TSHZ3: variants seen among roughly 807,000 people sequenced by gnomAD.
TSHZ3 encodes teashirt homolog 3.
In TSHZ3, 10 loss-of-function variants were observed where a neutral mutation model predicts 64.5. The ratio of observed to expected loss-of-function variants is 0.16; its 90% CI spans 0.10 to 0.26. TSHZ3 has a LOEUF of 0.26. Among genes scored for constraint, TSHZ3 ranks in the 10% least tolerant of loss-of-function variants. The pLI, the probability that TSHZ3 is intolerant of heterozygous loss-of-function variation, is 1.00. For missense variants in TSHZ3, 1,242 were observed against 1,421.7 expected (o/e 0.87, Z 2.03); for synonymous variants, 608 against 593.1 (o/e 1.03, Z -0.36).
At position 31,340,386 on chromosome 19, in the gene TSHZ3, T is replaced by G. The variant is rs1004868731; in HGVS notation, c.40+8794A>C. 2.3e-4 allele frequency among the ~76,000 whole-genome samples: 29 copies of G among 123,882 alleles called. 5 individuals are homozygous for G. Among genetic ancestry groups the G allele is most frequent in the Admixed American group, 1.4e-3 (16 of 11,616 alleles). 81.3% of individuals were successfully genotyped at this position (123,882 alleles called of 152,430 possible). On this transcript the variant is annotated intron_variant, in intron 1 of 1. Coordinates refer to ENST00000240587, the MANE Select transcript of TSHZ3 (RefSeq NM_020856.4). ...AAAACCACAGACTTCCTCTCACACC[T>G]GCCCAACCCACAAACCTAAAGCAAC...
chr19:31,333,953 C>T (rs945571456), intron 1 of TSHZ3, among the ~76,000 whole-genome samples: 3 of 152,156 alleles, frequency 2.0e-5, no homozygotes, highest in African/African-American at 4.8e-5. Context: ...GGAGCGTGTA[C>T]GTGTGTTTCC....
At chr19:31,267,294 C>G (rs1158083133) in intron 1 of TSHZ3, among the ~76,000 whole-genome samples, 2 of 151,978 alleles carry the variant, frequency 1.3e-5, no homozygotes, top group Non-Finnish European at 2.9e-5. Flanking sequence ...TGTGCAGGGT[C>G]CAGGAGACTG....
chr19:31,340,925 G>A (rs552871098), intron 1 of TSHZ3, among the ~76,000 whole-genome samples: 9 of 152,346 alleles, frequency 5.9e-5, no homozygotes, highest in Non-Finnish European at 7.3e-5. Flanking sequence ...GAACCACTGC[G>A]TTCACCTTCC....
chr19:31,242,948 G>A (rs1975714407), intron 1 of TSHZ3, among the ~76,000 whole-genome samples: 2 of 152,142 alleles, frequency 1.3e-5, no homozygotes, highest in Non-Finnish European at 2.9e-5. Context: ...CAGATTGGAT[G>A]GTGCCTGCTT....
At chr19:31,187,249 T>C (rs937749822) in intron 5 of TSHZ3, among the ~76,000 whole-genome samples, 2 of 152,176 alleles carry the variant, frequency 1.3e-5, no homozygotes, top group African/African-American at 4.8e-5. Flanking sequence ...CAGAACACCA[T>C]ATAAATGGAA....
At chr19:31,319,886 C>G (rs550919027) in intron 1 of TSHZ3, among the ~76,000 whole-genome samples, 14 of 151,254 alleles carry the variant, frequency 9.3e-5, no homozygotes, top group Non-Finnish European at 1.5e-4. Context: ...TGCAGCCCCC[C>G]TGAGAAAGTA....
intron 1 of TSHZ3, among the ~76,000 whole-genome samples, chr19:31,312,623 G>A (rs997812761): frequency 2.6e-5 from 4 of 152,308 alleles, no homozygotes; most frequent in East Asian, 3.9e-4. Flanking sequence ...GTTAATCGAA[G>A]TCAGTGTTCG....
chr19:31,203,867 C>G (rs1327525189), intron 5 of TSHZ3, among the ~76,000 whole-genome samples: 3 of 151,800 alleles, frequency 2.0e-5, no homozygotes, highest in Non-Finnish European at 2.9e-5. Context: ...CCTGTATTAG[C>G]CTGTTTTCAC....
intron 5 of TSHZ3, among the ~76,000 whole-genome samples, chr19:31,181,460 A>G (rs531684776): frequency 6.6e-6 from 1 of 152,316 alleles, no homozygotes; most frequent in Non-Finnish European, 1.5e-5. Context: ...GGTTTCTTTT[A>G]GAATCCCTCT....
chr19:31,254,322 G>A (rs1252266393), intron 1 of TSHZ3, among the ~76,000 whole-genome samples: 3 of 152,160 alleles, frequency 2.0e-5, no homozygotes, highest in Non-Finnish European at 2.9e-5. Flanking sequence ...ACACGTTCTG[G>A]TCCCCAGCAC....
intron 1 of TSHZ3, among the ~76,000 whole-genome samples, chr19:31,331,708 T>A (rs927925375): frequency 6.6e-6 from 1 of 152,218 alleles, no homozygotes; most frequent in Non-Finnish European, 1.5e-5. Flanking sequence ...GGGTACCTTA[T>A]GTTCACCACC....
intron 1 of TSHZ3, among the ~76,000 whole-genome samples, chr19:31,249,885 A>G (rs938913216): frequency 2.0e-5 from 3 of 152,150 alleles, no homozygotes; most frequent in Admixed American, 6.5e-5. Flanking sequence ...CCTGGAAGAC[A>G]CTCCGTGGTC....
At chr19:31,250,182 C>T (rs1358519899) in intron 1 of TSHZ3, among the ~76,000 whole-genome samples, 2 of 152,230 alleles carry the variant, frequency 1.3e-5, no homozygotes, top group Non-Finnish European at 2.9e-5. Context: ...TCTTTAAGCA[C>T]ATCTATGAGC....
intron 3 of TSHZ3, among the ~76,000 whole-genome samples, chr19:31,231,609 T>C (rs781527323): frequency 1.2e-4 from 18 of 152,352 alleles, no homozygotes; most frequent in Admixed American, 9.8e-4. Context: ...ATCTGAGTTA[T>C]ATATCTTGCC....
At chr19:31,166,214 C>T (rs1974450087) in intron 5 of TSHZ3, among the ~76,000 whole-genome samples, 1 of 152,152 alleles carries the variant, frequency 6.6e-6, no homozygotes, top group Non-Finnish European at 1.5e-5. Context: ...GAGAGGGGAG[C>T]CTGACCCTCG....
chr19:31,236,891 G>A (rs560148100), intron 3 of TSHZ3, among the ~76,000 whole-genome samples: 3 of 152,226 alleles, frequency 2.0e-5, no homozygotes, highest in African/African-American at 4.8e-5. Flanking sequence ...GCTCAGGCCT[G>A]TAATCCCAGC....
chr19:31,252,525 G>T (rs1390684433), intron 1 of TSHZ3, among the ~76,000 whole-genome samples: 1 of 152,186 alleles, frequency 6.6e-6, no homozygotes, highest in Non-Finnish European at 1.5e-5. Flanking sequence ...GGGAGTAACT[G>T]GATCCTGAGG....
chr19:31,274,131 A>ATGTGT (rs1165929565), downstream of TSHZ3, among the ~76,000 whole-genome samples: 1 of 151,780 alleles, frequency 6.6e-6, no homozygotes, highest in African/African-American at 2.4e-5. Flanking sequence ...TTAATAAAAT[A>ATGTGT]TGTGTTTTTT....
chr19:31,349,707 G>C (rs1010451631), upstream of TSHZ3, among the ~76,000 whole-genome samples: 1 of 147,588 alleles, frequency 6.8e-6, no homozygotes, highest in Non-Finnish European at 1.5e-5. Context: ...GGAGCGGCCC[G>C]GACCGGTACT....
Sources: allele counts gnomAD v4.1 joint callset (sites outside exome capture counted in the v4.1 genomes callset), GRCh38; gene constraint gnomAD v4.1.1; transcripts MANE v1.5; gene names NCBI Gene and HGNC (gene_info 2026-07-23, HGNC 2026-07-21).